Variants in TULP3 observed in about 807,000 individuals in gnomAD.
TULP3 encodes tubby-related protein 3.
TULP3 carries 38 observed loss-of-function variants against 50.7 expected under a neutral mutation model. That is an observed-to-expected ratio of 0.75 (90% CI 0.58 to 0.98). The LOEUF (loss-of-function observed/expected upper bound fraction) is 0.98. Ranked by LOEUF, TULP3 falls within the 50% of genes least tolerant of loss-of-function variation. TULP3 has a pLI of 0.00. For synonymous variants in TULP3, 183 were observed against 196.6 expected (o/e 0.93, Z 0.58); for missense variants, 550 against 568.0 (o/e 0.97, Z 0.32).
intron 2 of TULP3, among the ~76,000 whole-genome samples, chr12:2,919,164 T>A (rs895784310): frequency 1.3e-5 from 2 of 152,196 alleles, no homozygotes; most frequent in Non-Finnish European, 2.9e-5. Context: ...AGTGTTGGGA[T>A]TACAGGCGTG....
intron 1 of TULP3, among the ~76,000 whole-genome samples, chr12:2,909,150 T>C (rs140384305): frequency 1.9e-3 from 297 of 152,356 alleles, no homozygotes; most frequent in African/African-American, 6.7e-3. Context: ...TAAAAAATAA[T>C]GGTACCTAGT....
intron 4 of TULP3, 82 bp from the exon 5 acceptor site, chr12:2,930,162 TAAGC>T: frequency 1.0e-6 from 1 of 966,698 alleles, no homozygotes; most frequent in South Asian, 1.6e-5. Context: ...AAGAATGTTT[TAAGC>T]AAGAAAATTA....
chr12:2,919,755 T>TG (rs1314780502), intron 2 of TULP3, among the ~76,000 whole-genome samples: 8 of 152,146 alleles, frequency 5.3e-5, no homozygotes, highest in Non-Finnish European at 8.8e-5. Flanking sequence ...TCCATTTCAT[T>TG]GGTTTTTTTT....
rs899279354 is a variant in TULP3, at chr12:2,920,033, TA to T, written c.94-717del. On this transcript the variant is annotated intron_variant, in intron 2 of 10. Coordinates refer to ENST00000448120, the MANE Select transcript of TULP3 (RefSeq NM_003324.5). ...TTCCATTTACAAAAGTAAGAAAACT[TA>T]AAAAAAAAAAAAGACTAGAAAAGAG... Among the ~76,000 whole-genome samples, 713 of 140,560 alleles carry T rather than the reference TA, an allele frequency of 5.1e-3. 2 individuals are homozygous for T. Among genetic ancestry groups the T allele is most frequent in the African/African-American group, 0.011 (411 of 38,480 alleles). The allele number at this position is 140,560 out of a possible 152,430, so 92.2% of individuals were successfully genotyped here.
intron 1 of TULP3, among the ~76,000 whole-genome samples, chr12:2,896,016 C>G (rs2098175389): frequency 1.3e-5 from 2 of 151,844 alleles, no homozygotes; most frequent in East Asian, 3.9e-4. Context: ...TCTCGGCTCA[C>G]TGCAATCTCT....
In TULP3 at chr12:2,940,135, C is replaced by G; in HGVS notation, c.*691C>G. On this transcript the variant is annotated 3_prime_UTR_variant, in exon 11 of 11. Coordinates refer to ENST00000448120, the MANE Select transcript of TULP3 (RefSeq NM_003324.5). Reference sequence around the variant, plus strand: ...TCAATTAAGGCTGAAAGCATAAACTCTAGAGGTGACTCAGTCAGGACTGAC... The same window carrying G: ...TCAATTAAGGCTGAAAGCATAAACTGTAGAGGTGACTCAGTCAGGACTGAC... 1.5e-6 allele frequency: 2 copies of G among 1,294,996 alleles called. No individual in the cohort carries two copies. Among genetic ancestry groups the G allele is most frequent in the South Asian group, 1.2e-5 (1 of 81,066 alleles). The allele number at this position is 1,294,996 out of a possible 1,614,324, so 80.2% of individuals were successfully genotyped here.
chr12:2,899,737 C>CA, intron 1 of TULP3, among the ~76,000 whole-genome samples: 1 of 151,692 alleles, frequency 6.6e-6, no homozygotes, highest in South Asian at 2.1e-4. Flanking sequence ...ACTAAAAATA[C>CA]AAAAAATTAG....
chr12:2,919,737 C>T (rs1466125481), intron 2 of TULP3, among the ~76,000 whole-genome samples: 1 of 151,798 alleles, frequency 6.6e-6, no homozygotes, highest in African/African-American at 2.4e-5. Flanking sequence ...TGTGCTAGTA[C>T]CTTCCTTTCC....
At chr12:2,911,685 T>TGAG (rs2153948938) in intron 2 of TULP3, among the ~76,000 whole-genome samples, 2 of 52,386 alleles carry the variant, frequency 3.8e-5, no homozygotes, top group African/African-American at 1.9e-4. Flanking sequence ...TTTTTTTTTT[T>TGAG]TTTTTTTTTT....
rs546931385 is a variant in TULP3, at chr12:2,926,900, T to C, written c.395-3348T>C. Among the ~76,000 whole-genome samples, 9 of 152,304 alleles carry C rather than the reference T, an allele frequency of 5.9e-5. No homozygotes were observed. In the East Asian group the frequency reaches 1.5e-3, roughly 26 times the overall value. On this transcript the variant is annotated intron_variant, in intron 4 of 10. Transcript: ENST00000448120. ...CCAGTCTGGGCTACAAGAGCTAGAC[T>C]CTGTCTTTAAATAAATAAACAATAA... is the stretch of plus-strand genomic sequence containing the variant.
At chr12:2,933,014 C>T (rs539663765) in intron 6 of TULP3, among the ~76,000 whole-genome samples, 1 of 152,000 alleles carries the variant, frequency 6.6e-6, no homozygotes, top group South Asian at 2.1e-4. Flanking sequence ...ATGATCTCGG[C>T]TCACTGCAAG....
At position 2,938,204 on chromosome 12, in the gene TULP3, A is replaced by G. The variant is rs2098202638; in HGVS notation, c.1114A>G (p.Thr372Ala). The G allele has an allele frequency of 2.0e-5, 33 of 1,614,150 alleles. No individual in the cohort carries two copies. Among genetic ancestry groups the G allele is most frequent in the Non-Finnish European group, 2.8e-5 (33 of 1,180,044 alleles). ...HNKAPVWNSD[T>A]QSYVLNFRGR... ...CAAGGCCCCCGTCTGGAACAGTGAC[A>G]CTCAGTCCTATGTCCTCAACTTCCG... The change falls in exon 10 of 11, where the codon ACT (threonine) becomes GCT (alanine). Residue 372 changes from threonine (T) to alanine (A), a missense_variant. Thr to Ala is a moderately conservative substitution (Grantham distance 58). Coordinates refer to ENST00000448120, the MANE Select transcript of TULP3 (RefSeq NM_003324.5).
rs530910630 is a variant in TULP3, at chr12:2,914,446, T to C, written c.93+4866T>C. ...GCCAATAAATTATTCTTAACTATAG[T>C]CACCCTCTTGTGCTATTGAACACTA... On this transcript the variant is annotated intron_variant, in intron 2 of 10. Transcript: ENST00000448120. Among the ~76,000 whole-genome samples, 6 of 152,306 alleles carry C rather than the reference T, an allele frequency of 3.9e-5. No individual in the cohort carries two copies. The East Asian group carries it at 1.2e-3, about 29-fold the overall frequency.
intron 1 of TULP3, among the ~76,000 whole-genome samples, chr12:2,892,264 T>C (rs1307157285): frequency 2.7e-5 from 4 of 149,678 alleles, no homozygotes; most frequent in African/African-American, 9.8e-5. Context: ...TTCACTGTGC[T>C]TTTTTTTTTC....
chr12:2,901,259 G>GCGCT (rs1565497226), intron 1 of TULP3, among the ~76,000 whole-genome samples: 1 of 148,984 alleles, frequency 6.7e-6, no homozygotes, highest in Non-Finnish European at 1.5e-5. Flanking sequence ...GACCACCGGA[G>GCGCT]CGCTCCACCA....
intron 2 of TULP3, among the ~76,000 whole-genome samples, chr12:2,915,988 ATTAG>A (rs1182958257): frequency 6.6e-6 from 1 of 152,134 alleles, no homozygotes; most frequent in Non-Finnish European, 1.5e-5. Flanking sequence ...AAAATTGAGA[ATTAG>A]TTAAACTATC....
intron 4 of TULP3, among the ~76,000 whole-genome samples, chr12:2,924,696 A>G (rs1017764547): frequency 2.7e-5 from 4 of 149,834 alleles, no homozygotes; most frequent in Non-Finnish European, 5.9e-5. Flanking sequence ...ATTAAAAAAA[A>G]AAAAAAATTG....
At chr12:2,898,056 C>T (rs1157357678) in intron 1 of TULP3, among the ~76,000 whole-genome samples, 4 of 104,088 alleles carry the variant, frequency 3.8e-5, no homozygotes, top group Non-Finnish European at 5.5e-5. Flanking sequence ...CCAGCCTGGG[C>T]AACAAGAGCG....
At chr12:2,931,391 A>G (rs1054183838) in intron 6 of TULP3, 151 bp downstream of exon 6, 3 of 735,032 alleles carry the variant, frequency 4.1e-6, no homozygotes, top group Non-Finnish European at 6.5e-6. Flanking sequence ...CTGTGTTCTC[A>G]TTTTCTGCAA....
Sources: gnomAD v4.1 joint callset for allele counts (sites outside exome capture counted in the v4.1 genomes callset) on GRCh38, gnomAD v4.1.1 for gene constraint, MANE v1.5 for transcripts, NCBI Gene and HGNC (gene_info 2026-07-23, HGNC 2026-07-21) for gene names.